Variants in CERS6 observed in about 807,000 individuals in gnomAD.
CERS6 encodes the protein LAG1 homolog, ceramide synthase 6.
CERS6 carries 26 observed loss-of-function variants against 56.8 expected under a neutral mutation model. The observed-to-expected ratio is 0.46, with a 90% CI of 0.34 to 0.63. CERS6 has a LOEUF of 0.63. CERS6 is among the 30% of genes least tolerant of loss of function. The pLI is 0.01. For synonymous variants in CERS6, 164 were observed against 173.3 expected, an observed-to-expected ratio of 0.95 and a Z score of 0.42; for missense variants, 415 against 467.5, an observed-to-expected ratio of 0.89 and a Z score of 1.04.
chr2:168,520,024 T>C (rs1694949411), intron 1 of CERS6, among the ~76,000 whole-genome samples: 1 of 152,220 alleles, frequency 6.6e-6, no homozygotes, highest in Non-Finnish European at 1.5e-5. Context: ...TCACATGGAC[T>C]AAACTAATTT....
intron 3 of CERS6, among the ~76,000 whole-genome samples, chr2:168,569,530 C>CGCGTGCACACGCGTGTGT (rs1164349973): frequency 6.6e-6 from 1 of 152,122 alleles, no homozygotes; most frequent in African/African-American, 2.4e-5. Context: ...TGTGTGTGTG[C>CGCGTGCACACGCGTGTGT]GCGTGCACAC....
intron 3 of CERS6, among the ~76,000 whole-genome samples, chr2:168,616,872 T>C (rs1684331049): frequency 6.6e-6 from 1 of 151,928 alleles, no homozygotes; most frequent in Non-Finnish European, 1.5e-5. Flanking sequence ...TACTATACCC[T>C]GGAACAAATG....
At chr2:168,510,690 C>A (rs556375214) in intron 1 of CERS6, among the ~76,000 whole-genome samples, 52 of 152,040 alleles carry the variant, frequency 3.4e-4, no homozygotes, top group Admixed American at 2.4e-3. Context: ...GTGTTTTTTT[C>A]TTTTTCCTGG....
At chr2:168,765,525 T>C in intron 8 of CERS6, 67 bp from the exon 9 acceptor site, 3 of 1,524,222 alleles carry the variant, frequency 2.0e-6, no homozygotes, top group Non-Finnish European at 2.7e-6. Flanking sequence ...TTTAATGCAG[T>C]GACTAGAGTT....
chr2:168,579,159 TATG>T (rs1374234591), intron 3 of CERS6, among the ~76,000 whole-genome samples: 4 of 152,186 alleles, frequency 2.6e-5, no homozygotes, highest in Admixed American at 2.6e-4. Context: ...GCCATCTTCT[TATG>T]ATATTAATTT....
At chr2:168,459,466 C>A (rs1202751230) in intron 1 of CERS6, among the ~76,000 whole-genome samples, 1 of 152,192 alleles carries the variant, frequency 6.6e-6, no homozygotes, top group Admixed American at 6.5e-5. Flanking sequence ...GGAAGCCCAG[C>A]ATGGTTGGTA....
rs544923892 is a variant in CERS6 at position 168,487,509 on chromosome 2, CA to C, written c.170+30892del. The stretch of plus-strand genomic sequence containing the variant: ...ATTATTTTCATCAAGGTGTAAGACT[CA>C]GTGATCCATTTAATGCTATTGCTAA... On this transcript the variant is annotated intron_variant, in intron 1 of 9. Transcript: ENST00000305747. Among the ~76,000 whole-genome samples the C allele has an allele frequency of 4.5e-4, 68 of 152,274 alleles. No homozygotes were observed. In the South Asian group the frequency reaches 0.01, roughly 23 times the overall value.
intron 3 of CERS6, among the ~76,000 whole-genome samples, chr2:168,586,231 A>G (rs932796562): frequency 6.6e-6 from 1 of 151,998 alleles, no homozygotes; most frequent in Non-Finnish European, 1.5e-5. Flanking sequence ...AAAAAAAGGA[A>G]AAAGGAAGCT....
intron 4 of CERS6, among the ~76,000 whole-genome samples, chr2:168,668,919 A>C (rs1163553963): frequency 6.6e-6 from 1 of 152,092 alleles, no homozygotes; most frequent in African/African-American, 2.4e-5. Flanking sequence ...GACTTTTGAG[A>C]TATTGGGGGA....
rs577241724 is a variant in CERS6, at chr2:168,633,998, T to C, written c.465+2956T>C. Among the ~76,000 whole-genome samples, 4 of 152,352 alleles carry C rather than the reference T, an allele frequency of 2.6e-5. No homozygotes were observed. In the East Asian group the frequency reaches 7.7e-4, roughly 29 times the overall value. On this transcript the variant is annotated intron_variant, in intron 4 of 9. Coordinates refer to ENST00000305747, the MANE Select transcript of CERS6 (RefSeq NM_203463.3). ...GCTGTTAGAAGAATCCCTGACAGCT[T>C]GCACTGATCGGTTTTCTTCTGTCTT...
chr2:168,704,744 C>G (rs867147926), intron 6 of CERS6, among the ~76,000 whole-genome samples: 2 of 152,246 alleles, frequency 1.3e-5, no homozygotes, highest in Middle Eastern at 3.4e-3. Flanking sequence ...GTAGCTGGGA[C>G]TACAGGTGCG....
At chr2:168,622,918 C>T (rs1255086006) in intron 3 of CERS6, among the ~76,000 whole-genome samples, 2 of 152,184 alleles carry the variant, frequency 1.3e-5, no homozygotes, top group Non-Finnish European at 2.9e-5. Flanking sequence ...GAAAGCTACT[C>T]TAGAAATTTA....
chr2:168,500,485 C>T (rs1183779540), intron 1 of CERS6, among the ~76,000 whole-genome samples: 1 of 152,162 alleles, frequency 6.6e-6, no homozygotes, highest in East Asian at 1.9e-4. Context: ...ATTTAGGAAG[C>T]CTGTGGACAT....
Position 168,479,787 on chromosome 2 carries a change from C to T in CERS6, c.170+23169C>T, listed in dbSNP as rs374684570. On this transcript the variant is annotated intron_variant, in intron 1 of 9. Transcript: ENST00000305747. ...CCACACCCAGCTAATTTTGTATTTT[C>T]AGTAGAGACGGGGTTTCTCCATGTT... Among the ~76,000 whole-genome samples, 271 of 152,090 alleles carry T rather than the reference C, an allele frequency of 1.8e-3. 1 individual carries two copies. The highest frequency in any genetic ancestry group is 6.3e-3 in the African/African-American group (261 of 41,478).
chr2:168,657,583 C>T (rs972323384), intron 4 of CERS6, among the ~76,000 whole-genome samples: 6 of 152,240 alleles, frequency 3.9e-5, no homozygotes, highest in Admixed American at 1.3e-4. Context: ...AGCCCTGCCC[C>T]GTGGGAAGGC....
At chr2:168,686,052 C>T (rs528276931) in intron 4 of CERS6, among the ~76,000 whole-genome samples, 1 of 147,070 alleles carries the variant, frequency 6.8e-6, no homozygotes, top group African/African-American at 2.5e-5. Flanking sequence ...TGCTGTTAGT[C>T]AGCTCAGACT....
At chr2:168,528,349 A>C (rs1356657832) in intron 1 of CERS6, among the ~76,000 whole-genome samples, 1 of 152,158 alleles carries the variant, frequency 6.6e-6, no homozygotes, top group Non-Finnish European at 1.5e-5. Flanking sequence ...CTGCCCCCTC[A>C]TCAGGGGTCT....
chr2:168,635,810 A>C (rs1215125857), intron 4 of CERS6, among the ~76,000 whole-genome samples: 1 of 152,198 alleles, frequency 6.6e-6, no homozygotes, highest in African/African-American at 2.4e-5. Flanking sequence ...ACTAAGGTGC[A>C]GCCTTTCATT....
chr2:168,488,277 AATAGCC>A (rs1328022041), intron 1 of CERS6, among the ~76,000 whole-genome samples: 1 of 152,338 alleles, frequency 6.6e-6, no homozygotes, highest in East Asian at 1.9e-4. Flanking sequence ...GTAAAGAAGG[AATAGCC>A]ACTATGTATA....
Sources: gnomAD v4.1 joint callset for allele counts (sites outside exome capture counted in the v4.1 genomes callset) on GRCh38, gnomAD v4.1.1 for gene constraint, MANE v1.5 for transcripts, NCBI Gene and HGNC (gene_info 2026-07-23, HGNC 2026-07-21) for gene names.